PDE8A: variants seen among roughly 807,000 people sequenced by gnomAD.
PDE8A encodes the protein high affinity cAMP-specific and IBMX-insensitive 3',5'-cyclic phosphodiesterase 8A.
PDE8A carries 59 observed loss-of-function variants against 105.0 expected under a neutral mutation model. The ratio of observed to expected loss-of-function variants is 0.56; its 90% CI spans 0.46 to 0.70. The LOEUF (loss-of-function observed/expected upper bound fraction) is 0.70. Ranked by LOEUF, PDE8A falls within the 30% of genes least tolerant of loss-of-function variation. PDE8A has a pLI of 0.00. For missense variants in PDE8A, 1,014 were observed against 1,045.9 expected, an observed-to-expected ratio of 0.97 and a Z score of 0.42; for synonymous variants, 355 against 371.9, an observed-to-expected ratio of 0.95 and a Z score of 0.52.
intron 1 of PDE8A, among the ~76,000 whole-genome samples, chr15:85,045,619 A>G (rs2080874824): frequency 6.6e-6 from 1 of 152,170 alleles, no homozygotes; most frequent in Non-Finnish European, 1.5e-5. Flanking sequence ...AACTGACTGG[A>G]CCATGTTGTT....
chr15:84,993,442 C>CAAAAAAAAAAAAAAAA (rs11362736), intron 1 of PDE8A, among the ~76,000 whole-genome samples: 1 of 73,116 alleles, frequency 1.4e-5, no homozygotes, highest in Non-Finnish European at 2.5e-5. Context: ...GACTCCATCT[C>CAAAAAAAAAAAAAAAA]AAAAAAAAAA....
At chr15:84,999,389 C>T (rs565484626) in intron 1 of PDE8A, among the ~76,000 whole-genome samples, 5 of 152,174 alleles carry the variant, frequency 3.3e-5, no homozygotes, top group East Asian at 1.9e-4. Flanking sequence ...TCCCAGTGTA[C>T]TGGGATTACA....
intron 2 of PDE8A, among the ~76,000 whole-genome samples, chr15:85,065,484 A>T (rs1477225867): frequency 4.7e-5 from 3 of 63,848 alleles, no homozygotes; most frequent in African/African-American, 1.2e-4. Context: ...AAGTATAATT[A>T]AAAAAAAAAA....
intron 5 of PDE8A, among the ~76,000 whole-genome samples, chr15:85,083,142 T>C (rs1038744705): frequency 6.6e-6 from 1 of 152,222 alleles, no homozygotes; most frequent in Non-Finnish European, 1.5e-5. Context: ...ATTGTAAACT[T>C]ACATGACTTT....
chr15:85,026,575 C>G (rs1040359349), intron 1 of PDE8A, among the ~76,000 whole-genome samples: 1 of 152,108 alleles, frequency 6.6e-6, no homozygotes, highest in Non-Finnish European at 1.5e-5. Flanking sequence ...TGCACAGATT[C>G]AAGGGAGGTG....
intron 6 of PDE8A, among the ~76,000 whole-genome samples, chr15:85,088,527 G>T (rs531866481): frequency 6.6e-6 from 1 of 152,118 alleles, no homozygotes; most frequent in Non-Finnish European, 1.5e-5. Context: ...GGACATTTGG[G>T]TTTTTTCCAT....
intron 5 of PDE8A, 106 bp downstream of exon 5, chr15:85,076,893 T>A: frequency 6.1e-6 from 5 of 816,382 alleles, no homozygotes; most frequent in Non-Finnish European, 1.1e-5. Flanking sequence ...AGAAAAAAAA[T>A]TGTCTGGCCA....
At chr15:85,134,926 A>T (rs893769165) in intron 20 of PDE8A, among the ~76,000 whole-genome samples, 1 of 152,184 alleles carries the variant, frequency 6.6e-6, no homozygotes, top group Admixed American at 6.5e-5. Context: ...GAGTGCACAG[A>T]AAAAAGGCAA....
At chr15:85,056,848 C>T (rs1184755264) in intron 1 of PDE8A, among the ~76,000 whole-genome samples, 4 of 152,198 alleles carry the variant, frequency 2.6e-5, no homozygotes, top group Non-Finnish European at 5.9e-5. Flanking sequence ...CAGCTTTGTT[C>T]CATTGCTGGC....
chr15:85,109,073 A>G lies in PDE8A; in HGVS notation c.1057A>G (p.Lys353Glu), dbSNP rs1232959308. 1.2e-6 allele frequency: 2 copies of G among 1,609,900 alleles called. No individual in the cohort carries two copies. The highest frequency in any genetic ancestry group is 1.7e-6 in the Non-Finnish European group (2 of 1,176,556). ...THTDNQTGKH[K>E]DRRKGSLDVK... ...TACAGATAATCAGACAGGCAAACATAAAGACAGGAGAAAAGGCTCACTAGA... is the reference window on the plus strand; with the variant it reads ...TACAGATAATCAGACAGGCAAACATGAAGACAGGAGAAAAGGCTCACTAGA... The change falls in exon 12 of 22, where the codon AAA (lysine) becomes GAA (glutamate). Residue 353 changes from lysine (K) to glutamate (E), a missense_variant. Lys to Glu is a moderately conservative substitution (Grantham distance 56). Transcript: ENST00000394553.
intron 1 of PDE8A, chr15:85,062,557 A>C (rs966618387): frequency 6.6e-6 from 1 of 152,198 alleles, no homozygotes. Flanking sequence ...GCAACAATGC[A>C]CCCCTTCTTT....
intron 1 of PDE8A, among the ~76,000 whole-genome samples, chr15:85,019,552 C>T (rs912126931): frequency 1.5e-4 from 23 of 151,964 alleles, no homozygotes; most frequent in African/African-American, 5.6e-4. Flanking sequence ...TGCTTGGCTT[C>T]TTAATACTAT....
At position 85,085,161 on chromosome 15, in the gene PDE8A, A is replaced by G. The variant is rs112432748; in HGVS notation, c.635+1517A>G. Among the ~76,000 whole-genome samples, 25 of 152,284 alleles carry G rather than the reference A, an allele frequency of 1.6e-4. No homozygotes were observed. The East Asian group carries it at 4.4e-3, about 27-fold the overall frequency. On this transcript the variant is annotated intron_variant, in intron 6 of 21. Coordinates refer to ENST00000394553, the MANE Select transcript of PDE8A (RefSeq NM_002605.3). ...CAAAATGTAGCCTACAAGGGTCTCC[A>G]TGGTCTGTACACTGCTTACCTCTCT...
Position 85,088,217 on chromosome 15 carries a change from GT to G in PDE8A, c.636-1118del, listed in dbSNP as rs1179649505. Among the ~76,000 whole-genome samples the G allele has an allele frequency of 2.6e-5, 4 of 152,238 alleles. No homozygotes were observed. In the East Asian group the frequency reaches 7.7e-4, roughly 29 times the overall value. ...TTTTTGTATTTTTAGTAGAGACGGG[GT>G]TTCACCACGTTGGCCAGGCTGGTCT... On this transcript the variant is annotated intron_variant, in intron 6 of 21. Transcript: ENST00000394553.
chr15:85,001,161 C>G (rs1329577125), intron 1 of PDE8A, among the ~76,000 whole-genome samples: 1 of 152,130 alleles, frequency 6.6e-6, no homozygotes, highest in African/African-American at 2.4e-5. Flanking sequence ...CGAGTACTCA[C>G]ATTTCCAGGG....
chr15:85,001,293 G>A (rs2080063380), intron 1 of PDE8A, among the ~76,000 whole-genome samples: 1 of 152,148 alleles, frequency 6.6e-6, no homozygotes, highest in Non-Finnish European at 1.5e-5. Context: ...GCACTAAGAA[G>A]GAAGTAGGTA....
chr15:85,009,779 C>T (rs1369874265), intron 1 of PDE8A, among the ~76,000 whole-genome samples: 3 of 152,194 alleles, frequency 2.0e-5, no homozygotes, highest in African/African-American at 4.8e-5. Flanking sequence ...GTTCTACTTC[C>T]AGTTATATAG....
intron 11 of PDE8A, among the ~76,000 whole-genome samples, chr15:85,102,395 G>A (rs12232314): frequency 0.12 from 18,080 of 152,188 alleles, 1,519 homozygotes; most frequent in East Asian, 0.38. Context: ...GCAGTTTCAG[G>A]AGAATGGCGA....
At chr15:84,996,044 T>C (rs2079970464) in intron 1 of PDE8A, among the ~76,000 whole-genome samples, 1 of 152,230 alleles carries the variant, frequency 6.6e-6, no homozygotes, top group Non-Finnish European at 1.5e-5. Context: ...ATATCTCTAT[T>C]TTGGTTTTAG....
Sources: gnomAD v4.1 joint callset for allele counts (sites outside exome capture counted in the v4.1 genomes callset) on GRCh38, gnomAD v4.1.1 for gene constraint, MANE v1.5 for transcripts, NCBI Gene and HGNC (gene_info 2026-07-23, HGNC 2026-07-21) for gene names.